C15orf40: variants seen among roughly 807,000 people sequenced by gnomAD.
C15orf40 encodes UPF0235 protein C15orf40.
In C15orf40, 9 loss-of-function variants were observed where a neutral mutation model predicts 13.9. The ratio of observed to expected loss-of-function variants is 0.65; its 90% confidence interval spans 0.39 to 1.13. C15orf40 has a LOEUF of 1.13. Ranked by LOEUF, C15orf40 falls within the 50% of genes most tolerant of loss-of-function variation. The pLI is 0.01. For missense variants in C15orf40, 225 were observed against 188.5 expected (o/e 1.19, Z -1.13); for synonymous variants, 95 against 69.2 (o/e 1.37, Z -1.85).
Position 83,000,948 on chromosome 15 carries a change from G to T in C15orf40, c.*4649C>A. The T allele has an allele frequency of 4.5e-6, 1 of 223,304 alleles. No individual in the cohort carries two copies. The highest frequency in any genetic ancestry group is 7.5e-6 in the Non-Finnish European group (1 of 133,064). The allele number at this position is 223,304 out of a possible 1,614,324, so 13.8% of individuals were successfully genotyped here. A position where few individuals can be genotyped will look rare whatever the true frequency, so the allele number is the denominator to read the frequency against. The stretch of plus-strand genomic sequence containing the variant: ...AGGCCTCAGCCTCCCAAGTAGCTGG[G>T]ACTACAGGCATGCATTGCCATGCCC... On this transcript the variant is annotated 3_prime_UTR_variant, in exon 4 of 4. Transcript: ENST00000304177.
At chr15:82,990,782 A>G (rs1328867040), downstream of C15orf40, 2 of 750,552 alleles carry the variant, frequency 2.7e-6, no homozygotes, top group Non-Finnish European at 4.5e-6. Flanking sequence ...CAAAATTCAC[A>G]CATAAGAAAG....
At chr15:83,006,394 T>C (rs2031681206) in intron 3 of C15orf40, 3 of 985,294 alleles carry the variant, frequency 3.0e-6, no homozygotes, top group Non-Finnish European at 3.6e-6. Flanking sequence ...TTGTTAAACA[T>C]TTCTGAAAAT....
At chr15:82,989,301 T>A, downstream of C15orf40, 12 of 911,342 alleles carry the variant, frequency 1.3e-5, no homozygotes, top group Non-Finnish European at 1.9e-5. Context: ...ATGGCATACC[T>A]AGTACCTAAT....
In C15orf40 at chr15:83,003,865, AGCCTCCCGAGTAGCTGAGATTACAG is replaced by A. The variant is rs1176807188; in HGVS notation, c.*1707_*1731del. On this transcript the variant is annotated 3_prime_UTR_variant, in exon 4 of 4. Transcript: ENST00000304177. ...TGGGTTCAAGCAATTCTCCTGCCTC[AGCCTCCCGAGTAGCTGAGATTACAG>A]GCACCCACCACCATGCCTGGCTAGT... The A allele has an allele frequency of 1.3e-5, 2 of 152,384 alleles. No homozygotes were observed. The highest frequency in any genetic ancestry group is 3.9e-4 in the East Asian group (2 of 5,180). 9.4% of individuals were successfully genotyped at this position (152,384 alleles called of 1,614,324 possible).
In C15orf40 at chr15:83,004,961, G is replaced by T; in HGVS notation, c.*636C>A. ...GCTTGCATGGTACAATCTTGAGTAA[G>T]TCTCTCAACTTCTGGATATAGGAAA... On this transcript the variant is annotated 3_prime_UTR_variant, in exon 4 of 4. Coordinates refer to ENST00000304177, the MANE Select transcript of C15orf40 (RefSeq NM_144597.3). 7.8e-7 allele frequency: 1 copy of T among 1,285,714 alleles called. No individual in the cohort carries two copies. The highest frequency in any genetic ancestry group is 1.0e-6 in the Non-Finnish European group (1 of 972,386). The allele number at this position is 1,285,714 out of a possible 1,614,324, so 79.6% of individuals were successfully genotyped here.
In C15orf40 at chr15:83,010,379, C is replaced by T. The variant is rs775373535; in HGVS notation, c.112-16G>A. 11 of 1,613,890 alleles carry T rather than the reference C, an allele frequency of 6.8e-6. No individual in the cohort carries two copies. The highest frequency in any genetic ancestry group is 1.1e-5 in the South Asian group (1 of 91,070). On this transcript the variant is annotated splice_polypyrimidine_tract_variant and intron_variant, in intron 1 of 3. Coordinates refer to ENST00000304177, the MANE Select transcript of C15orf40 (RefSeq NM_144597.3). ...GGCTTTTACCCTAAAATGACAACCA[C>T]ACAACTTTACAGGTTACAAAATATT...
In C15orf40 at chr15:82,998,211, C is replaced by G. The variant is rs1380385299; in HGVS notation, c.*7386G>C. 1 of 146,408 alleles carries G rather than the reference C, an allele frequency of 6.8e-6. No individual in the cohort carries two copies. The highest frequency in any genetic ancestry group is 2.1e-4 in the East Asian group (1 of 4,768). The allele number at this position is 146,408 out of a possible 1,614,324, so 9.1% of individuals were successfully genotyped here. On this transcript the variant is annotated 3_prime_UTR_variant, in exon 4 of 4. Coordinates refer to ENST00000304177, the MANE Select transcript of C15orf40 (RefSeq NM_144597.3). ...CTCCCGGACGGCACGGCTGGCCAGG[C>G]GGGGGGCTGACCCCCCCACCTCCCT...
intron 3 of C15orf40, among the ~76,000 whole-genome samples, chr15:83,006,741 G>A (rs1287580373): frequency 6.6e-6 from 1 of 152,224 alleles, no homozygotes; most frequent in Non-Finnish European, 1.5e-5. Context: ...ACCCTAGCCT[G>A]GGCAACAAGA....
At chr15:82,994,478 G>T (rs1037388121), downstream of C15orf40, among the ~76,000 whole-genome samples, 1 of 152,110 alleles carries the variant, frequency 6.6e-6, no homozygotes, top group Non-Finnish European at 1.5e-5. Flanking sequence ...GGAAAACTAT[G>T]CCGTAGACTG....
Position 83,005,092 on chromosome 15 carries a change from G to A in C15orf40, c.*505C>T. On this transcript the variant is annotated 3_prime_UTR_variant, in exon 4 of 4. Transcript: ENST00000304177. ...CATGAAATCAGAGTAACATGTTCCA[G>A]GCTGTTTGGGGTTTGGGATTTTAGA... 1 of 1,147,658 alleles carries A rather than the reference G, an allele frequency of 8.7e-7. No individual in the cohort carries two copies. Among genetic ancestry groups the A allele is most frequent in the Non-Finnish European group, 1.1e-6 (1 of 909,560 alleles). 71.1% of individuals were successfully genotyped at this position (1,147,658 alleles called of 1,614,324 possible).
At chr15:83,009,289 A>G (rs749086956) in intron 2 of C15orf40, among the ~76,000 whole-genome samples, 1 of 152,236 alleles carries the variant, frequency 6.6e-6, no homozygotes, top group Non-Finnish European at 1.5e-5. Context: ...CTTTATGAAG[A>G]TATTAGTACC....
rs59108707 is a variant in C15orf40, at chr15:83,003,074, C to A, written c.*2523G>T. The A allele has an allele frequency of 0.22, 33,863 of 150,506 alleles. 4,225 individuals are homozygous for A. Among genetic ancestry groups the A allele is most frequent in the East Asian group, 0.58 (2,904 of 5,048 alleles). 9.3% of individuals were successfully genotyped at this position (150,506 alleles called of 1,614,324 possible). A position where few individuals can be genotyped will look rare whatever the true frequency, so the allele number is the denominator to read the frequency against. On this transcript the variant is annotated 3_prime_UTR_variant, in exon 4 of 4. Coordinates refer to ENST00000304177, the MANE Select transcript of C15orf40 (RefSeq NM_144597.3). Reference sequence around the variant, plus strand: ...ATCTGCCTGCCTCGGCCTCCCAAAGCGCTGGAATTACAGGCGTAAGCCAAC... The same window carrying A: ...ATCTGCCTGCCTCGGCCTCCCAAAGAGCTGGAATTACAGGCGTAAGCCAAC...
rs955718245 is a variant in C15orf40, at chr15:82,997,013, C to T, written c.*8584G>A. On this transcript the variant is annotated 3_prime_UTR_variant, in exon 4 of 4. Transcript: ENST00000304177. ...AGCCTAGGCAACAAGAGCGAAACTTCGTCTCAAATAATAATAATAATAATA... is the reference window on the plus strand; with the variant it reads ...AGCCTAGGCAACAAGAGCGAAACTTTGTCTCAAATAATAATAATAATAATA... 3 of 145,220 alleles carry T rather than the reference C, an allele frequency of 2.1e-5. No homozygotes were observed. The highest frequency in any genetic ancestry group is 4.5e-5 in the Non-Finnish European group (3 of 66,986). 9.0% of individuals were successfully genotyped at this position (145,220 alleles called of 1,614,324 possible). A position where few individuals can be genotyped will look rare whatever the true frequency, so the allele number is the denominator to read the frequency against.
intron 2 of C15orf40, 122 bp downstream of exon 2, chr15:83,010,115 C>G: frequency 2.3e-6 from 3 of 1,301,934 alleles, no homozygotes; most frequent in Non-Finnish European, 3.2e-6. Context: ...AATGGAGAAG[C>G]CTCTAACTGC....
intron 2 of C15orf40, 40 bp from the exon 3 acceptor site, chr15:83,008,715 C>G: frequency 6.5e-7 from 1 of 1,537,376 alleles, no homozygotes; most frequent in South Asian, 1.2e-5. Flanking sequence ...TTAAGGAGTT[C>G]TTTTTCTTCA....
downstream of C15orf40, chr15:82,989,279 A>G (rs2030757585): frequency 7.3e-7 from 1 of 1,376,024 alleles, no homozygotes; most frequent in African/African-American, 1.5e-5. Context: ...GGCAGGGACC[A>G]GTGTTTTTGG....
At chr15:82,990,720 T>C (rs2030821571), downstream of C15orf40, 6 of 1,323,452 alleles carry the variant, frequency 4.5e-6, no homozygotes, top group South Asian at 7.6e-5. Context: ...GGGATAAGGG[T>C]ACACATCATT....
At chr15:82,989,040 G>A (rs1567084518), downstream of C15orf40, 1 of 1,612,854 alleles carries the variant, frequency 6.2e-7, no homozygotes, top group East Asian at 2.2e-5. Context: ...TGCCGAAGCT[G>A]TTCCAAAGTT....
chr15:82,991,701 A>G (rs895677658), downstream of C15orf40, among the ~76,000 whole-genome samples: 1 of 151,450 alleles, frequency 6.6e-6, no homozygotes, highest in African/African-American at 2.5e-5. Context: ...CCTCTCGGGT[A>G]ACTGTTTTAT....
Sources: gnomAD v4.1 joint callset for allele counts (sites outside exome capture counted in the v4.1 genomes callset) on GRCh38, gnomAD v4.1.1 for gene constraint, MANE v1.5 for transcripts, NCBI Gene and HGNC (gene_info 2026-07-23, HGNC 2026-07-21) for gene names.